The following TMEM135 variants were observed in gnomAD, a reference collection of about 807,000 sequenced individuals.
TMEM135 encodes the protein transmembrane protein 135, also known as peroxisomal membrane protein 52.
A neutral mutation model predicts 60.3 loss-of-function variants in TMEM135; 30 were observed. The ratio of observed to expected loss-of-function variants is 0.50; its 90% confidence interval spans 0.37 to 0.68. The LOEUF (loss-of-function observed/expected upper bound fraction) is 0.68. TMEM135 is among the 30% of genes least tolerant of loss of function. TMEM135 has a pLI of 0.00. For synonymous variants in TMEM135, 190 were observed against 186.7 expected, an observed-to-expected ratio of 1.02 and a Z score of -0.14; for missense variants, 468 against 548.8, an observed-to-expected ratio of 0.85 and a Z score of 1.47.
At chr11:87,168,974 C>G (rs1222990477) in intron 5 of TMEM135, among the ~76,000 whole-genome samples, 1 of 152,044 alleles carries the variant, frequency 6.6e-6, no homozygotes, top group Non-Finnish European at 1.5e-5. Flanking sequence ...CTTTATGAAT[C>G]TGGGTGCTCC....
chr11:87,248,628 A>ATT (rs35302450), intron 6 of TMEM135, among the ~76,000 whole-genome samples: 22 of 151,258 alleles, frequency 1.5e-4, no homozygotes, highest in South Asian at 2.1e-4. Flanking sequence ...AAATTATATG[A>ATT]TTTTTTTTTC....
At chr11:87,300,738 T>C (rs1055230693) in intron 7 of TMEM135, among the ~76,000 whole-genome samples, 4 of 152,174 alleles carry the variant, frequency 2.6e-5, no homozygotes, top group African/African-American at 4.8e-5. Flanking sequence ...AAAGAAGATA[T>C]ACATGGTCTC....
intron 3 of TMEM135, among the ~76,000 whole-genome samples, chr11:87,077,251 ATAGGCTTTTTC>A (rs2064259120): frequency 6.6e-6 from 1 of 152,262 alleles, no homozygotes; most frequent in Admixed American, 6.5e-5. Flanking sequence ...ACGTTTGGAC[ATAGGCTTTTTC>A]TTTTTTAAAC....
intron 6 of TMEM135, among the ~76,000 whole-genome samples, chr11:87,237,858 A>G (rs974681390): frequency 2.0e-5 from 3 of 151,378 alleles, no homozygotes; most frequent in Admixed American, 1.3e-4. Flanking sequence ...TCTACTCTCT[A>G]TGTCCATGAG....
At chr11:87,269,239 A>G (rs1376581981) in intron 6 of TMEM135, among the ~76,000 whole-genome samples, 1 of 150,468 alleles carries the variant, frequency 6.6e-6, no homozygotes, top group Admixed American at 6.6e-5. Context: ...TAATCTACTA[A>G]GAATCTTGTA....
chr11:87,129,213 ATTTTTTTTTTTTTTTTTTTTTTTT>A (rs71040295), intron 4 of TMEM135, among the ~76,000 whole-genome samples: 57 of 116,256 alleles, frequency 4.9e-4, no homozygotes, highest in African/African-American at 9.3e-4. Context: ...TTATTCCTTA[ATTTTTTTTTTTTTTTTTTTTTTTT>A]TTTTTTTTTT....
rs1485029744 is a variant in TMEM135 at position 87,281,052 on chromosome 11, T to C, written c.510-14730T>C. On this transcript the variant is annotated intron_variant, in intron 6 of 14. Transcript: ENST00000305494. ...AGCCCCTATTTAGAGTATGTATGTT[T>C]ATGTCTAAATGTAAATTCATAGCAC... is the stretch of plus-strand genomic sequence containing the variant. Among the ~76,000 whole-genome samples the C allele has an allele frequency of 1.3e-5, 2 of 152,212 alleles. 1 individual carries two copies. The highest frequency in any genetic ancestry group is 1.3e-4 in the Admixed American group (2 of 15,286).
intron 6 of TMEM135, among the ~76,000 whole-genome samples, chr11:87,269,642 A>G (rs903988940): frequency 2.6e-5 from 4 of 151,504 alleles, no homozygotes; most frequent in East Asian, 3.9e-4. Flanking sequence ...ATGATTTCCA[A>G]TTTCATCCAT....
At chr11:87,300,503 T>G (rs1942424949) in intron 7 of TMEM135, among the ~76,000 whole-genome samples, 1 of 152,204 alleles carries the variant, frequency 6.6e-6, no homozygotes, top group Admixed American at 6.5e-5. Flanking sequence ...GTGGACAAGA[T>G]ACTTAACCAT....
At chr11:87,227,814 T>A (rs1281772239) in intron 5 of TMEM135, among the ~76,000 whole-genome samples, 1 of 152,164 alleles carries the variant, frequency 6.6e-6, no homozygotes, top group East Asian at 1.9e-4. Context: ...TTCAGAAAAG[T>A]TGAAGATGCT....
In TMEM135 at chr11:87,325,514, C is replaced by G. The variant is rs138302647; in HGVS notation, c.*4181C>G. On this transcript the variant is annotated 3_prime_UTR_variant, in exon 15 of 15. Coordinates refer to ENST00000305494, the MANE Select transcript of TMEM135 (RefSeq NM_022918.4). ...GCTCTCTCTCTCTCCCTCTCTCTCT[C>G]TCTCTGTCTGTCTCTCTTGCTGCTC... 6.2e-4 allele frequency: 281 copies of G among 454,048 alleles called. 1 individual carries two copies. The highest frequency in any genetic ancestry group is 5.1e-3 in the African/African-American group (258 of 50,126). 28.1% of individuals were successfully genotyped at this position (454,048 alleles called of 1,614,324 possible).
intron 1 of TMEM135, 61 bp downstream of exon 1, chr11:87,038,247 A>G (rs1590970656): frequency 2.1e-6 from 3 of 1,453,370 alleles, no homozygotes; most frequent in Non-Finnish European, 2.8e-6. Flanking sequence ...CGGGGGCTGC[A>G]GTTGGTGCTC....
chr11:87,146,835 T>C (rs1425257812), intron 4 of TMEM135, among the ~76,000 whole-genome samples: 1 of 151,978 alleles, frequency 6.6e-6, no homozygotes, highest in Non-Finnish European at 1.5e-5. Flanking sequence ...AGAGTTTAAA[T>C]GACCTGCCTA....
At chr11:87,231,883 A>G (rs1240426484) in intron 5 of TMEM135, among the ~76,000 whole-genome samples, 4 of 152,102 alleles carry the variant, frequency 2.6e-5, no homozygotes, top group Non-Finnish European at 2.9e-5. Flanking sequence ...TACATTGCAG[A>G]ATAAAATATT....
intron 6 of TMEM135, chr11:87,259,146 C>G: frequency 1.5e-6 from 1 of 673,836 alleles, no homozygotes; most frequent in Non-Finnish European, 2.7e-6. Flanking sequence ...TCTCTCCGAC[C>G]AGGTCTCATC....
intron 1 of TMEM135, among the ~76,000 whole-genome samples, chr11:87,042,955 TTTTG>T (rs1300662976): frequency 3.5e-5 from 4 of 115,342 alleles, no homozygotes; most frequent in East Asian, 8.7e-4. Context: ...TGTAGTTTTG[TTTTG>T]TTTTTTTTTT....
chr11:87,278,204 C>T (rs1345777043), intron 6 of TMEM135, among the ~76,000 whole-genome samples: 2 of 152,184 alleles, frequency 1.3e-5, no homozygotes, highest in Non-Finnish European at 2.9e-5. Context: ...AAAATTCAGT[C>T]TGCACAAATG....
intron 3 of TMEM135, among the ~76,000 whole-genome samples, chr11:87,089,350 A>G (rs1322957148): frequency 2.0e-5 from 3 of 152,184 alleles, no homozygotes; most frequent in African/African-American, 7.2e-5. Context: ...CTTGGACAGC[A>G]TAGCGAGACT....
At chr11:87,159,807 T>C (rs1228455473) in intron 5 of TMEM135, among the ~76,000 whole-genome samples, 1 of 152,166 alleles carries the variant, frequency 6.6e-6, no homozygotes, top group African/African-American at 2.4e-5. Flanking sequence ...TCTACTTGGA[T>C]TGTGCTAAAT....
Sources: gnomAD v4.1 joint callset for allele counts (sites outside exome capture counted in the v4.1 genomes callset) on GRCh38, gnomAD v4.1.1 for gene constraint, MANE v1.5 for transcripts, NCBI Gene and HGNC (gene_info 2026-07-23, HGNC 2026-07-21) for gene names.